GNA15: variants seen among roughly 807,000 people sequenced by gnomAD.
The protein encoded by GNA15 is guanine nucleotide-binding protein subunit alpha-15.
A neutral mutation model predicts 40.1 loss-of-function variants in GNA15; 23 were observed. That is an observed-to-expected ratio of 0.57 (90% CI 0.41 to 0.81). GNA15 has a LOEUF of 0.81. Ranked by LOEUF, GNA15 falls within the 40% of genes least tolerant of loss-of-function variation. The pLI is 0.00. For synonymous variants in GNA15, 226 were observed against 210.4 expected (o/e 1.07, Z -0.64); for missense variants, 522 against 515.8 (o/e 1.01, Z -0.12).
At chr19:3,141,437 C>T (rs1914574338) in intron 1 of GNA15, 1 of 152,040 alleles carries the variant, frequency 6.6e-6, no homozygotes, top group African/African-American at 2.4e-5. Context: ...ACTCTATCAC[C>T]CCGGTTGGAG....
At chr19:3,139,598 CAA>C (rs35737557) in intron 1 of GNA15, among the ~76,000 whole-genome samples, 14,708 of 105,436 alleles carry the variant, frequency 0.14, 949 homozygotes, top group Admixed American at 0.23. Flanking sequence ...GACTCTGTCT[CAA>C]AAAAAAAAAA....
chr19:3,151,807 T>C lies in GNA15; in HGVS notation c.586T>C (p.Cys196Arg), dbSNP rs756241789. The C allele has an allele frequency of 6.2e-7, 1 of 1,612,168 alleles. No homozygotes were observed. Among genetic ancestry groups the C allele is most frequent in the Non-Finnish European group, 8.5e-7 (1 of 1,179,406 alleles). ...GCCCACCACTGGCATCAACGAGTAC[T>C]GCTTCTCCGTGCAGAAAACCAACCT... Reference protein sequence around the residue: ...RMPTTGINEYCFSVQKTNLRI... With the variant: ...RMPTTGINEYRFSVQKTNLRI... The change falls in exon 4 of 7, where the codon TGC (cysteine) becomes CGC (arginine). Residue 196 changes from cysteine (C) to arginine (R), a missense_variant. By Grantham distance (180) the Cys-to-Arg change is radical (BLOSUM62 -3). Transcript: ENST00000262958. The surrounding 1 kb of genome is among the most constrained non-coding windows in gnomAD (Gnocchi z 5.0).
rs1260332127 is a variant in GNA15 at position 3,155,350 on chromosome 19, C to G, written c.615-473C>G. 6.6e-6 allele frequency among the ~76,000 whole-genome samples: 1 copy of G among 152,098 alleles called. No individual in the cohort carries two copies. The highest frequency in any genetic ancestry group is 1.5e-5 in the Non-Finnish European group (1 of 67,998). ...TTTGTTACGGTGCGTGGGGCTGAGT[C>G]ACAGATGGAGGGGAGGACGTGTGCT... On this transcript the variant is annotated intron_variant, in intron 4 of 6. Coordinates refer to ENST00000262958, the MANE Select transcript of GNA15 (RefSeq NM_002068.4). This position sits in a 1 kb window ranked among gnomAD's most constrained non-coding sequence, Gnocchi z 5.6.
At position 3,151,401 on chromosome 19, in the gene GNA15, G is replaced by A. The variant is rs1331671833; in HGVS notation, c.486-306G>A. 6.6e-6 allele frequency among the ~76,000 whole-genome samples: 1 copy of A among 152,112 alleles called. No homozygotes were observed. Among genetic ancestry groups the A allele is most frequent in the African/African-American group, 2.4e-5 (1 of 41,402 alleles). ...TGGGAAGACTGTTCCCAGGCTACCAGCATTCTTGGGGTAGCGCCACCCCTG... is the reference window on the plus strand; with the variant it reads ...TGGGAAGACTGTTCCCAGGCTACCAACATTCTTGGGGTAGCGCCACCCCTG... On this transcript the variant is annotated intron_variant, in intron 3 of 6. Transcript: ENST00000262958. The surrounding 1 kb of genome is among the most constrained non-coding windows in gnomAD (Gnocchi z 5.0).
chr19:3,151,824 A>C lies in GNA15; in HGVS notation c.603A>C (p.Lys201Asn), dbSNP rs369602953. The part of the protein sequence containing the change: ...GINEYCFSVQ[K>N]TNLRIVDVGG... Reference sequence around the variant, plus strand: ...ACGAGTACTGCTTCTCCGTGCAGAAAACCAACCTGCGGTGAGCGCTCCACC... The same window carrying C: ...ACGAGTACTGCTTCTCCGTGCAGAACACCAACCTGCGGTGAGCGCTCCACC... Residue 201 changes from lysine to asparagine, a missense_variant, in exon 4 of 7, where the codon AAA becomes AAC. Lys to Asn is a moderately conservative substitution (Grantham distance 94). Coordinates refer to ENST00000262958, the MANE Select transcript of GNA15 (RefSeq NM_002068.4). This position sits in a 1 kb window ranked among gnomAD's most constrained non-coding sequence, Gnocchi z 5.0. 1 of 1,610,682 alleles carries C rather than the reference A, an allele frequency of 6.2e-7. No homozygotes were observed. The highest frequency in any genetic ancestry group is 2.2e-5 in the East Asian group (1 of 44,616).
intron 1 of GNA15, among the ~76,000 whole-genome samples, chr19:3,144,742 A>T (rs566005424): frequency 4.0e-5 from 6 of 150,366 alleles, no homozygotes; most frequent in Non-Finnish European, 8.9e-5. Context: ...GTTAGCCAGG[A>T]TGGTCTCGAT....
At chr19:3,160,550 TCC>T (rs1267052196) in intron 6 of GNA15, among the ~76,000 whole-genome samples, 1 of 152,126 alleles carries the variant, frequency 6.6e-6, no homozygotes, top group Non-Finnish European at 1.5e-5. Flanking sequence ...AGAAAGAGAC[TCC>T]ATCTCTTGAA....
rs543602925 is a variant in GNA15, at chr19:3,159,497, C to T, written c.898+1616C>T. Among the ~76,000 whole-genome samples, 12 of 152,146 alleles carry T rather than the reference C, an allele frequency of 7.9e-5. No individual in the cohort carries two copies. The East Asian group carries it at 2.3e-3, about 29-fold the overall frequency. On this transcript the variant is annotated intron_variant, in intron 6 of 6. Transcript: ENST00000262958. ...GAGTAGCTGGGATTGCAGGCATGAG[C>T]CACCACCCCGGCTAATTTTGTGTTT...
chr19:3,145,336 A>AATATATATATATATATATAT (rs1191752115), intron 1 of GNA15, among the ~76,000 whole-genome samples: 11 of 60,202 alleles, frequency 1.8e-4, no homozygotes, highest in East Asian at 9.2e-4. Flanking sequence ...CGTCTGACTA[A>AATATATATATATATATATAT]ATATATATAT....
At chr19:3,145,709 C>T (rs376111717) in intron 1 of GNA15, among the ~76,000 whole-genome samples, 15 of 144,486 alleles carry the variant, frequency 1.0e-4, no homozygotes, top group East Asian at 6.2e-4. Context: ...CAGCATGCCC[C>T]GCTAATTTTT....
chr19:3,140,942 T>C (rs552797681), intron 1 of GNA15, among the ~76,000 whole-genome samples: 22 of 152,372 alleles, frequency 1.4e-4, no homozygotes, highest in African/African-American at 5.3e-4. Flanking sequence ...GATGTAGCAC[T>C]GTGGACTGTG....
At position 3,148,791 on chromosome 19, in the gene GNA15, A is replaced by T. The variant is rs550350703; in HGVS notation, c.330+16A>T. On this transcript the variant is annotated intron_variant, in intron 2 of 6. Coordinates refer to ENST00000262958, the MANE Select transcript of GNA15 (RefSeq NM_002068.4). ...CGAGAGCAAGGTGAGCCGCCAGGGC[A>T]GGCAGGGGCCCAGGGCAGGCAGGGG... 4 of 1,577,684 alleles carry T rather than the reference A, an allele frequency of 2.5e-6. No homozygotes were observed. The highest frequency in any genetic ancestry group is 1.8e-5 in the Admixed American group (1 of 55,728).
Position 3,136,722 on chromosome 19 carries a change from C to G in GNA15, c.145+127C>G. 1.2e-6 allele frequency: 1 copy of G among 836,576 alleles called. No individual in the cohort carries two copies. The highest frequency in any genetic ancestry group is 1.8e-5 in the South Asian group (1 of 56,720). 51.8% of individuals were successfully genotyped at this position (836,576 alleles called of 1,614,324 possible). A position where few individuals can be genotyped will look rare whatever the true frequency, so the allele number is the denominator to read the frequency against. On this transcript the variant is annotated intron_variant, in intron 1 of 6. Coordinates refer to ENST00000262958, the MANE Select transcript of GNA15 (RefSeq NM_002068.4). This position sits in a 1 kb window ranked among gnomAD's most constrained non-coding sequence, Gnocchi z 4.9. ...GCATCGTGGAGCCGTCGCCTCCTCC[C>G]AGGGAATGGGGAGCCTGGAACCCAT...
Position 3,148,707 on chromosome 19 carries a change from G to T in GNA15, c.262G>T (p.Val88Leu). Residue 88 changes from valine to leucine, a missense_variant, in exon 2 of 7, where the codon GTG becomes TTG. Val to Leu is a conservative substitution (Grantham distance 32). Transcript: ENST00000262958. ...GCCCCTGGTCTACCAGAACATCTTC[G>T]TGTCCATGCGGGCCATGATCGAGGC... The part of the protein sequence containing the change: ...FRPLVYQNIF[V>L]SMRAMIEAME... 1 of 1,602,708 alleles carries T rather than the reference G, an allele frequency of 6.2e-7. No individual in the cohort carries two copies. The highest frequency in any genetic ancestry group is 8.5e-7 in the Non-Finnish European group (1 of 1,175,170).
At chr19:3,157,961 C>G in intron 6 of GNA15, 80 bp downstream of exon 6, 3 of 1,137,092 alleles carry the variant, frequency 2.6e-6, no homozygotes, top group Non-Finnish European at 3.9e-6. Flanking sequence ...GACTCTACTT[C>G]AGCCTGGAGT....
At chr19:3,142,282 T>TGG (rs1165782295) in intron 1 of GNA15, 3 of 151,864 alleles carry the variant, frequency 2.0e-5, no homozygotes, top group Non-Finnish European at 2.9e-5. Context: ...CGGGGGGCAA[T>TGG]GGAGAGGTCC....
At chr19:3,154,693 AGATG>A (rs1914970165) in intron 4 of GNA15, among the ~76,000 whole-genome samples, 1 of 140,226 alleles carries the variant, frequency 7.1e-6, no homozygotes, top group Non-Finnish European at 1.5e-5. Context: ...GTAGATGGAT[AGATG>A]GATGGATGAG....
intron 1 of GNA15, among the ~76,000 whole-genome samples, chr19:3,147,804 T>C (rs1389341359): frequency 6.3e-5 from 9 of 142,398 alleles, no homozygotes; most frequent in Non-Finnish European, 9.0e-5. Flanking sequence ...AGGAGAATGG[T>C]GTGAACCCGG....
intron 1 of GNA15, 41 bp from the exon 2 acceptor site, chr19:3,148,550 G>C (rs1914789521): frequency 6.6e-7 from 1 of 1,505,716 alleles, no homozygotes; most frequent in African/African-American, 1.4e-5. Flanking sequence ...GGGGGTGGGA[G>C]TCCCGTGGAG....
Sources: allele counts gnomAD v4.1 joint callset (sites outside exome capture counted in the v4.1 genomes callset), GRCh38; gene constraint gnomAD v4.1.1; non-coding constraint Gnocchi (gnomAD v3.1); transcripts MANE v1.5; gene names NCBI Gene and HGNC (gene_info 2026-07-23, HGNC 2026-07-21).